The following DPP10 variants were observed in gnomAD, a reference collection of about 807,000 sequenced individuals.
DPP10 encodes dipeptidyl peptidase like 10.
Under a neutral mutation model 120.9 loss-of-function variants are expected in DPP10, and 33 were observed. The ratio of observed to expected loss-of-function variants is 0.27; its 90% confidence interval spans 0.21 to 0.37. DPP10 has a LOEUF of 0.37. Among genes scored for constraint, DPP10 ranks in the 10% least tolerant of loss-of-function variants. DPP10 has a pLI of 1.00. For synonymous variants in DPP10, 337 were observed against 326.1 expected, an observed-to-expected ratio of 1.03 and a Z score of -0.36; for missense variants, 816 against 942.8, an observed-to-expected ratio of 0.87 and a Z score of 1.76.
chr2:115,233,374 A>T (rs1297251962), intron 1 of DPP10, among the ~76,000 whole-genome samples: 2 of 152,114 alleles, frequency 1.3e-5, no homozygotes, highest in African/African-American at 4.8e-5. Context: ...TAAAAGTCTT[A>T]TCTAGTTTTT....
At chr2:115,315,205 G>T (rs200589375) in intron 2 of DPP10, among the ~76,000 whole-genome samples, 1 of 138,884 alleles carries the variant, frequency 7.2e-6, no homozygotes, top group African/African-American at 2.6e-5. Flanking sequence ...AAAAAAAAAA[G>T]ATTTGACCCT....
chr2:114,533,885 G>A (rs1686262431), intron 1 of DPP10, among the ~76,000 whole-genome samples: 1 of 152,070 alleles, frequency 6.6e-6, no homozygotes, highest in Admixed American at 6.5e-5. Context: ...TCACTGTGCT[G>A]GAAGCTCACT....
chr2:115,642,877 C>T (rs2086900792), intron 5 of DPP10, among the ~76,000 whole-genome samples: 1 of 151,834 alleles, frequency 6.6e-6, no homozygotes, highest in East Asian at 1.9e-4. Context: ...TTAAAATATA[C>T]TATGTTGTAG....
chr2:115,790,441 C>T (rs937823461), intron 17 of DPP10, among the ~76,000 whole-genome samples: 10 of 152,144 alleles, frequency 6.6e-5, no homozygotes, highest in African/African-American at 2.2e-4. Flanking sequence ...ATACAGTGCA[C>T]GTACCTCAAA....
chr2:115,159,238 A>C (rs1429997936), intron 1 of DPP10, among the ~76,000 whole-genome samples: 3 of 152,084 alleles, frequency 2.0e-5, no homozygotes, highest in Non-Finnish European at 2.9e-5. Context: ...GTGGGCGGAT[A>C]ACTAGGTCAG....
chr2:115,773,796 G>T (rs1444556752), intron 13 of DPP10, among the ~76,000 whole-genome samples: 1 of 151,996 alleles, frequency 6.6e-6, no homozygotes, highest in Non-Finnish European at 1.5e-5. Context: ...ATTAAGTGTT[G>T]TTCAGTCATC....
chr2:114,723,312 T>A (rs1333487765), intron 1 of DPP10, among the ~76,000 whole-genome samples: 1 of 152,124 alleles, frequency 6.6e-6, no homozygotes, highest in Non-Finnish European at 1.5e-5. Context: ...AGCACCATAT[T>A]GGGAATGAAT....
intron 1 of DPP10, among the ~76,000 whole-genome samples, chr2:114,921,759 A>G (rs565030461): frequency 6.6e-6 from 1 of 152,188 alleles, no homozygotes; most frequent in Non-Finnish European, 1.5e-5. Context: ...TGCAAAGATA[A>G]TATCTGTCTA....
At chr2:115,274,867 T>C (rs966507142) in intron 1 of DPP10, among the ~76,000 whole-genome samples, 1 of 152,232 alleles carries the variant, frequency 6.6e-6, no homozygotes, top group Admixed American at 6.5e-5. Flanking sequence ...AAGCGTAATA[T>C]TATGTGTAGA....
Position 114,715,491 on chromosome 2 carries a change from A to G in DPP10, c.60+272653A>G, listed in dbSNP as rs148551770. Among the ~76,000 whole-genome samples, 773 of 152,276 alleles carry G rather than the reference A, an allele frequency of 5.1e-3. 4 individuals are homozygous for G. The highest frequency in any genetic ancestry group is 0.01 in the Middle Eastern group (3 of 294). ...AACTTTGAATGTCTCATAAAAGACA[A>G]ATATTTTATTCTAGGAAAAAATTCT... On this transcript the variant is annotated intron_variant, in intron 1 of 25. Transcript: ENST00000410059.
chr2:115,111,737 C>A (rs1291698808), intron 1 of DPP10, among the ~76,000 whole-genome samples: 1 of 152,174 alleles, frequency 6.6e-6, no homozygotes, highest in Non-Finnish European at 1.5e-5. Context: ...ATTCAGGCCA[C>A]ATGTAATAGG....
Position 114,982,222 on chromosome 2 carries a change from T to A in DPP10, c.61-327017T>A, listed in dbSNP as rs556229300. On this transcript the variant is annotated intron_variant, in intron 1 of 25. Transcript: ENST00000410059. The stretch of plus-strand genomic sequence containing the variant: ...CTTTTGTTTGGGAGGGGAGATAATA[T>A]GTAAATTTAAACTATTAACTTTTCT... 3.3e-5 allele frequency among the ~76,000 whole-genome samples: 5 copies of A among 152,366 alleles called. No homozygotes were observed. The East Asian group carries it at 9.6e-4, about 29-fold the overall frequency.
intron 1 of DPP10, among the ~76,000 whole-genome samples, chr2:115,080,941 T>C (rs1045160798): frequency 2.0e-5 from 3 of 152,230 alleles, no homozygotes; most frequent in South Asian, 2.1e-4. Flanking sequence ...TATTCCACTA[T>C]TGACTGTCTG....
At chr2:115,337,382 T>C (rs2106218737) in intron 2 of DPP10, among the ~76,000 whole-genome samples, 1 of 152,158 alleles carries the variant, frequency 6.6e-6, no homozygotes. Context: ...TGTGAAAAGA[T>C]GCTATTAATA....
intron 3 of DPP10, among the ~76,000 whole-genome samples, chr2:115,368,423 A>ATG (rs1249277585): frequency 3.3e-5 from 5 of 152,118 alleles, no homozygotes; most frequent in African/African-American, 1.2e-4. Flanking sequence ...AACTTTACAA[A>ATG]TGTAAGATTC....
At chr2:114,737,309 G>C (rs1677536895) in intron 1 of DPP10, among the ~76,000 whole-genome samples, 1 of 152,156 alleles carries the variant, frequency 6.6e-6, no homozygotes, top group South Asian at 2.1e-4. Context: ...GCCTGAACTG[G>C]TGTCTGATTG....
intron 1 of DPP10, among the ~76,000 whole-genome samples, chr2:114,641,845 G>T (rs17043307): frequency 0.011 from 1,630 of 151,822 alleles, 77 homozygotes; most frequent in African/African-American, 0.038. Context: ...TTAAATAGTG[G>T]TGGCTCAAAA....
chr2:115,378,846 G>C (rs563485240), intron 3 of DPP10, among the ~76,000 whole-genome samples: 77 of 152,156 alleles, frequency 5.1e-4, no homozygotes, highest in African/African-American at 1.4e-3. Context: ...TTATATGCTG[G>C]ATTACTTTTA....
At chr2:115,183,693 C>T (rs192025085) in intron 1 of DPP10, among the ~76,000 whole-genome samples, 7 of 152,226 alleles carry the variant, frequency 4.6e-5, no homozygotes, top group Admixed American at 3.9e-4. Flanking sequence ...GCTAGCAAAG[C>T]TGATAAAGTC....
Sources: allele counts gnomAD v4.1 joint callset (sites outside exome capture counted in the v4.1 genomes callset), GRCh38; gene constraint gnomAD v4.1.1; transcripts MANE v1.5; gene names NCBI Gene and HGNC (gene_info 2026-07-23, HGNC 2026-07-21).